Variants in PTPN13 observed in about 807,000 individuals in gnomAD.
PTPN13 encodes tyrosine-protein phosphatase non-receptor type 13.
A neutral mutation model predicts 284.0 loss-of-function variants in PTPN13; 191 were observed. The observed-to-expected ratio is 0.67, with a 90% CI of 0.60 to 0.76. The LOEUF is 0.76. Among genes scored for constraint, PTPN13 ranks in the 30% least tolerant of loss-of-function variants. The probability of loss-of-function intolerance (pLI) is 0.00; values close to 1 mark genes in which losing one functional copy is unlikely to be tolerated. For synonymous variants in PTPN13, 986 were observed against 1,022.3 expected (o/e 0.96, Z 0.68); for missense variants, 2,797 against 2,939.9 (o/e 0.95, Z 1.12).
intron 9 of PTPN13, among the ~76,000 whole-genome samples, chr4:86,719,886 G>A (rs1410306314): frequency 6.6e-6 from 1 of 151,992 alleles, no homozygotes; most frequent in East Asian, 1.9e-4. Context: ...CAGATGCATA[G>A]TTTGCAAATA....
At chr4:86,687,241 G>A (rs1729553321) in intron 4 of PTPN13, among the ~76,000 whole-genome samples, 1 of 152,070 alleles carries the variant, frequency 6.6e-6, no homozygotes, top group African/African-American at 2.4e-5. Context: ...TTTTCTCTTG[G>A]CACTTCAAAT....
In PTPN13 at chr4:86,784,523, A is replaced by G. The variant is rs912769289; in HGVS notation, c.6083A>G (p.Gln2028Arg). 1.9e-6 allele frequency: 3 copies of G among 1,609,118 alleles called. No homozygotes were observed. The highest frequency in any genetic ancestry group is 2.5e-6 in the Non-Finnish European group (3 of 1,178,232). Residue 2028 changes from glutamine (Q) to arginine (R), a missense_variant, in exon 38 of 48, where the codon CAG (glutamine) becomes CGG (arginine). Physicochemically the swap from Gln to Arg is conservative, Grantham distance 43. Transcript: ENST00000411767. ...SYPKGKCSTY[Q>R]IKGSPNLTLP... ...CCCAAAGGAAAATGTTCTACTTATC[A>G]GATAAAGGGATCACCAAACTTGACT...
intron 1 of PTPN13, among the ~76,000 whole-genome samples, chr4:86,609,001 C>G (rs1305321609): frequency 6.6e-6 from 1 of 151,328 alleles, no homozygotes; most frequent in African/African-American, 2.5e-5. Flanking sequence ...TAAAAAGTGT[C>G]TGAGGAGAAC....
At chr4:86,604,958 G>A (rs548092614) in intron 1 of PTPN13, among the ~76,000 whole-genome samples, 1 of 152,100 alleles carries the variant, frequency 6.6e-6, no homozygotes, top group South Asian at 2.1e-4. Flanking sequence ...AGAAAGTGTG[G>A]TCTGATTTAA....
intron 2 of PTPN13, among the ~76,000 whole-genome samples, chr4:86,642,414 A>G (rs1723897282): frequency 6.9e-6 from 1 of 145,148 alleles, no homozygotes; most frequent in Non-Finnish European, 1.5e-5. Flanking sequence ...TATGCCTTTC[A>G]GTTCATCTTT....
chr4:86,638,915 G>A (rs1210058775), intron 2 of PTPN13, among the ~76,000 whole-genome samples: 1 of 152,078 alleles, frequency 6.6e-6, no homozygotes, highest in Non-Finnish European at 1.5e-5. Context: ...GGGAGAAAAT[G>A]TTCGCAACCT....
At position 86,767,931 on chromosome 4, in the gene PTPN13, G is replaced by C; in HGVS notation, c.4444G>C (p.Val1482Leu). Residue 1482 changes from valine (V) to leucine (L), a missense_variant, in exon 28 of 48, where the codon GTG (valine) becomes CTG (leucine). Physicochemically the swap from Val to Leu is conservative, Grantham distance 32. Coordinates refer to ENST00000411767, the MANE Select transcript of PTPN13 (RefSeq NM_080683.3). Reference protein sequence around the residue: ...QNAQGQGPEKVKKTTQVKDYS... With the variant: ...QNAQGQGPEKLKKTTQVKDYS... The stretch of plus-strand genomic sequence containing the variant: ...TGCCCAAGGTCAAGGCCCAGAAAAA[G>C]TGAAGAAAACAACTCAGGTCAAAGA... The C allele has an allele frequency of 6.2e-7, 1 of 1,611,068 alleles. No homozygotes were observed. The highest frequency in any genetic ancestry group is 8.5e-7 in the Non-Finnish European group (1 of 1,178,630).
At chr4:86,597,418 A>T (rs1763911917) in intron 1 of PTPN13, among the ~76,000 whole-genome samples, 1 of 151,952 alleles carries the variant, frequency 6.6e-6, no homozygotes, top group African/African-American at 2.4e-5. Flanking sequence ...TGTTTATTTT[A>T]TTTTTTTAAA....
In PTPN13 at chr4:86,734,799, T is replaced by G; in HGVS notation, c.2075T>G (p.Met692Arg). The G allele has an allele frequency of 6.2e-7, 1 of 1,613,518 alleles. No individual in the cohort carries two copies. The change falls in exon 14 of 48, where the codon ATG (methionine) becomes AGG (arginine). Residue 692 changes from methionine to arginine, a missense_variant. Transcript: ENST00000411767. ...QLRKDILEER[M>R]HCDDETSLLL... ...CGAAAAGATATTTTGGAGGAAAGGA[T>G]GCACTGTGATGATGAGACTTCCTTA...
intron 23 of PTPN13, among the ~76,000 whole-genome samples, chr4:86,761,512 A>C (rs988560330): frequency 2.0e-5 from 3 of 152,164 alleles, no homozygotes; most frequent in Admixed American, 2.0e-4. Context: ...GGACTTCAAA[A>C]AGTTTTACCA....
At chr4:86,716,936 C>G in intron 8 of PTPN13, 88 bp from the exon 9 acceptor site, 2 of 874,550 alleles carry the variant, frequency 2.3e-6, no homozygotes, top group Non-Finnish European at 3.7e-6. Flanking sequence ...TTGTACAACT[C>G]TATGTCTGCT....
At chr4:86,644,925 A>G (rs1053512433) in intron 2 of PTPN13, among the ~76,000 whole-genome samples, 4 of 152,014 alleles carry the variant, frequency 2.6e-5, no homozygotes, top group African/African-American at 9.7e-5. Flanking sequence ...TCTCAACTCA[A>G]CGCCGGGCTT....
Position 86,796,923 on chromosome 4 carries a change from G to C in PTPN13, c.6395G>C (p.Ser2132Thr), listed in dbSNP as rs532179569. The C allele has an allele frequency of 6.0e-5, 89 of 1,478,470 alleles. 2 individuals are homozygous for C. In the South Asian group the frequency reaches 1.1e-3, roughly 18 times the overall value. The allele number at this position is 1,478,470 out of a possible 1,614,324, so 91.6% of individuals were successfully genotyped here. A position where few individuals can be genotyped will look rare whatever the true frequency, so the allele number is the denominator to read the frequency against. ...CEEYCEEKVK[S>T]ESLIQKPQEK... ...GAATATTGTGAAGAAAAAGTAAAAAGTGAAAGGTGAGAAAATAATTTTCAA... is the reference window on the plus strand; with the variant it reads ...GAATATTGTGAAGAAAAAGTAAAAACTGAAAGGTGAGAAAATAATTTTCAA... The change falls in exon 41 of 48, where the codon AGT (serine) becomes ACT (threonine). Residue 2132 changes from serine to threonine, a missense_variant. Physicochemically the swap from Ser to Thr is moderately conservative, Grantham distance 58 (BLOSUM62 1). Coordinates refer to ENST00000411767, the MANE Select transcript of PTPN13 (RefSeq NM_080683.3).
chr4:86,716,242 G>A (rs1733000565), intron 7 of PTPN13, among the ~76,000 whole-genome samples: 1 of 151,950 alleles, frequency 6.6e-6, no homozygotes, highest in South Asian at 2.1e-4. Flanking sequence ...CCCCTCTTTG[G>A]CTGAATTAAA....
At position 86,678,052 on chromosome 4, in the gene PTPN13, T is replaced by G. The variant is rs565232234; in HGVS notation, c.294+5509T>G. On this transcript the variant is annotated intron_variant, in intron 3 of 47. Coordinates refer to ENST00000411767, the MANE Select transcript of PTPN13 (RefSeq NM_080683.3). ...GATACTGGTGTTCCTAGTCCTACAGTAAGTAACCTAGAGTTAAATAAGTTG... is the reference window on the plus strand; with the variant it reads ...GATACTGGTGTTCCTAGTCCTACAGGAAGTAACCTAGAGTTAAATAAGTTG... 3.9e-5 allele frequency among the ~76,000 whole-genome samples: 6 copies of G among 152,288 alleles called. No homozygotes were observed. In the South Asian group the frequency reaches 1.2e-3, roughly 32 times the overall value.
rs183733738 is a variant in PTPN13, at chr4:86,602,049, G to A, written c.-6+7260G>A. ...TTGGCAGGATGTATTGTACAGAGTG[G>A]CTGTGAAGATAATATTAAATAACAT... is the stretch of plus-strand genomic sequence containing the variant. On this transcript the variant is annotated intron_variant, in intron 1 of 47. Transcript: ENST00000411767. Among the ~76,000 whole-genome samples the A allele has an allele frequency of 5.9e-4, 90 of 152,270 alleles. 1 individual carries two copies. The highest frequency in any genetic ancestry group is 2.0e-3 in the African/African-American group (85 of 41,558).
At chr4:86,747,549 GGCAGCAGCA>G (rs78831573) in intron 17 of PTPN13, among the ~76,000 whole-genome samples, 150 of 143,818 alleles carry the variant, frequency 1.0e-3, no homozygotes, top group African/African-American at 2.5e-3. Context: ...CAGCAGCAGC[GGCAGCAGCA>G]GCAGCAGCAG....
Position 86,703,729 on chromosome 4 carries a change from T to C in PTPN13, c.1195+1928T>C, listed in dbSNP as rs149431340. On this transcript the variant is annotated intron_variant, in intron 7 of 47. Coordinates refer to ENST00000411767, the MANE Select transcript of PTPN13 (RefSeq NM_080683.3). ...AAAAAAAATTTTTTAATTATCCAAG[T>C]GTGGTGGTGCACACCTGTAGTTCCA... is the stretch of plus-strand genomic sequence containing the variant. Among the ~76,000 whole-genome samples the C allele has an allele frequency of 3.6e-3, 553 of 152,172 alleles. 2 individuals are homozygous for C. Among genetic ancestry groups the C allele is most frequent in the African/African-American group, 0.013 (530 of 41,526 alleles).
intron 1 of PTPN13, 68 bp downstream of exon 1, chr4:86,594,857 T>C (rs1001684863): frequency 6.6e-6 from 1 of 152,388 alleles, no homozygotes; most frequent in South Asian, 2.1e-4. Context: ...TACATTGCGC[T>C]CGTTCTCTTC....
Sources: gnomAD v4.1 joint callset for allele counts (sites outside exome capture counted in the v4.1 genomes callset) on GRCh38, gnomAD v4.1.1 for gene constraint, MANE v1.5 for transcripts, NCBI Gene and HGNC (gene_info 2026-07-23, HGNC 2026-07-21) for gene names.